The following CPS1 variants were observed in gnomAD, a reference collection of about 807,000 sequenced individuals.
CPS1 encodes carbamoyl-phosphate synthase 1, also known as carbamoyl-phosphate synthase [ammonia], mitochondrial.
In CPS1, 109 loss-of-function variants were observed where a neutral mutation model predicts 174.6. The observed-to-expected ratio is 0.62, with a 90% CI of 0.53 to 0.73. The LOEUF (loss-of-function observed/expected upper bound fraction) is 0.73. Among genes scored for constraint, CPS1 ranks in the 30% least tolerant of loss-of-function variants. The probability of loss-of-function intolerance (pLI) is 0.00; values close to 1 mark genes in which losing one functional copy is unlikely to be tolerated. For missense variants in CPS1, 1,689 were observed against 1,821.9 expected (o/e 0.93, Z 1.33); for synonymous variants, 637 against 632.0 (o/e 1.01, Z -0.12).
At chr2:210,649,941 G>A (rs1214171538) in intron 27 of CPS1, among the ~76,000 whole-genome samples, 1 of 152,196 alleles carries the variant, frequency 6.6e-6, no homozygotes, top group Non-Finnish European at 1.5e-5. Flanking sequence ...TGACAACAGA[G>A]CAGTAGGCTA....
At chr2:210,670,206 T>A (rs915498278) in intron 34 of CPS1, among the ~76,000 whole-genome samples, 1 of 152,040 alleles carries the variant, frequency 6.6e-6, no homozygotes, top group African/African-American at 2.4e-5. Context: ...GGACACAGAT[T>A]TAAAAATATA....
At chr2:210,667,267 C>T (rs1701133690) in intron 33 of CPS1, among the ~76,000 whole-genome samples, 1 of 152,158 alleles carries the variant, frequency 6.6e-6, no homozygotes, top group Non-Finnish European at 1.5e-5. Context: ...ATCATGTCGT[C>T]TGCAAACAGG....
chr2:210,553,378 C>T (rs1370141855), upstream of CPS1, among the ~76,000 whole-genome samples: 5 of 151,660 alleles, frequency 3.3e-5, no homozygotes, highest in Admixed American at 6.6e-5. Context: ...ATTTTCAATA[C>T]CAGATATGTC....
chr2:210,489,524 A>G (rs1469140053), intron 1 of CPS1, among the ~76,000 whole-genome samples: 5 of 152,174 alleles, frequency 3.3e-5, no homozygotes, highest in Non-Finnish European at 5.9e-5. Flanking sequence ...GTAAGTAGGA[A>G]GGAAAGTTTT....
At chr2:210,599,840 T>G (rs1041800473) in intron 14 of CPS1, among the ~76,000 whole-genome samples, 2 of 151,972 alleles carry the variant, frequency 1.3e-5, no homozygotes, top group South Asian at 2.1e-4. Context: ...AGGATATTGC[T>G]TTTCTCTGTT....
chr2:210,510,560 T>C (rs1165307191), intron 1 of CPS1, among the ~76,000 whole-genome samples: 1 of 152,198 alleles, frequency 6.6e-6, no homozygotes, highest in African/African-American at 2.4e-5. Flanking sequence ...AAAGAGCTTC[T>C]GCACAGCAAA....
In CPS1 at chr2:210,599,505, C is replaced by T; in HGVS notation, c.1493C>T (p.Ala498Val). The change falls in exon 14 of 38, where the codon GCA becomes GTA. Residue 498 changes from alanine (A) to valine (V), a missense_variant. Ala to Val is a moderately conservative substitution (Grantham distance 64). Coordinates refer to ENST00000233072, the MANE Select transcript of CPS1 (RefSeq NM_001875.5). ...TPQFVTEVIK[A>V]EQPDGLILGM... The stretch of plus-strand genomic sequence containing the variant: ...CAGTTTGTCACAGAGGTCATCAAGG[C>T]AGAACAGCCAGATGGGTTAATTCTG... The T allele has an allele frequency of 6.2e-7, 1 of 1,612,564 alleles. No individual in the cohort carries two copies. Among genetic ancestry groups the T allele is most frequent in the Non-Finnish European group, 8.5e-7 (1 of 1,179,064 alleles).
chr2:210,511,912 C>T (rs1695505470), intron 1 of CPS1, among the ~76,000 whole-genome samples: 1 of 152,076 alleles, frequency 6.6e-6, no homozygotes, highest in Non-Finnish European at 1.5e-5. Flanking sequence ...ACATCATTCT[C>T]TAGTTAAAGA....
intron 30 of CPS1, among the ~76,000 whole-genome samples, chr2:210,658,039 A>G (rs1700776830): frequency 6.6e-6 from 1 of 152,248 alleles, no homozygotes; most frequent in African/African-American, 2.4e-5. Context: ...GTATAGGGAC[A>G]TTCTGGCTCT....
At chr2:210,513,164 G>A (rs1483797473) in intron 1 of CPS1, among the ~76,000 whole-genome samples, 1 of 145,608 alleles carries the variant, frequency 6.9e-6, no homozygotes, top group Admixed American at 7.0e-5. Context: ...ATATATATAT[G>A]TATGGATATA....
Position 210,592,893 on chromosome 2 carries a change from G to A in CPS1, c.1101G>A (p.Glu367=), listed in dbSNP as rs975444103. 4 of 1,612,190 alleles carry A rather than the reference G, an allele frequency of 2.5e-6. No homozygotes were observed. The highest frequency in any genetic ancestry group is 1.1e-5 in the South Asian group (1 of 91,022). Reference sequence around the variant, plus strand: ...TATTCCTTTAGGGGATTATGCATGAGAGCAAACCCTTCTTCGCTGTGCAGT... The same window carrying A: ...TATTCCTTTAGGGGATTATGCATGAAAGCAAACCCTTCTTCGCTGTGCAGT... ...NDQTNEGIMH[E]SKPFFAVQFH... is the part of the protein sequence containing the mutation. Residue 367 remains glutamate, a synonymous_variant, in exon 11 of 38, where the codon GAG becomes GAA. Coordinates refer to ENST00000233072, the MANE Select transcript of CPS1 (RefSeq NM_001875.5).
intron 27 of CPS1, among the ~76,000 whole-genome samples, chr2:210,649,689 G>A (rs980353040): frequency 1.3e-5 from 2 of 152,116 alleles, no homozygotes; most frequent in African/African-American, 2.4e-5. Flanking sequence ...TAAAAGCAAA[G>A]TAATATTTTT....
intron 12 of CPS1, 42 bp downstream of exon 12, chr2:210,594,648 G>A: frequency 7.1e-7 from 1 of 1,401,704 alleles, no homozygotes; most frequent in Non-Finnish European, 1.0e-6. Context: ...ATTTTGGATT[G>A]TCCCTATCAC....
At chr2:210,604,627 C>T (rs1400792964) in intron 16 of CPS1, among the ~76,000 whole-genome samples, 4 of 151,900 alleles carry the variant, frequency 2.6e-5, no homozygotes, top group African/African-American at 9.7e-5. Flanking sequence ...CAACCATCAT[C>T]ATCTCCTTTC....
At chr2:210,573,833 A>G (rs184221459) in intron 2 of CPS1, among the ~76,000 whole-genome samples, 1 of 152,226 alleles carries the variant, frequency 6.6e-6, no homozygotes, top group East Asian at 1.9e-4. Context: ...ATGAAATACT[A>G]TAAGAAGATT....
chr2:210,537,182 G>A (rs1194582221), intron 1 of CPS1, among the ~76,000 whole-genome samples: 1 of 152,142 alleles, frequency 6.6e-6, no homozygotes, highest in Non-Finnish European at 1.5e-5. Flanking sequence ...TAAATCAACA[G>A]CATGTTCAGT....
Position 210,600,665 on chromosome 2 carries a change from C to T in CPS1, c.1660C>T (p.Leu554=), listed in dbSNP as rs1698689698. The change falls in exon 15 of 38, where the codon CTA becomes TTA. Residue 554 remains leucine (L), a synonymous_variant. Transcript: ENST00000233072. ...AGACAGGCAGCTGTTTTCAGATAAA[C>T]TAAATGAGATCAATGAAAAGATTGC... The part of the protein sequence containing the change: ...TEDRQLFSDK[L]NEINEKIAPS... 1.2e-6 allele frequency: 2 copies of T among 1,612,036 alleles called. No individual in the cohort carries two copies. Among genetic ancestry groups the T allele is most frequent in the African/African-American group, 1.3e-5 (1 of 74,740 alleles).
intron 31 of CPS1, among the ~76,000 whole-genome samples, chr2:210,660,069 AC>A (rs1700867568): frequency 6.6e-6 from 1 of 152,144 alleles, no homozygotes; most frequent in Admixed American, 6.6e-5. Context: ...AAATGGGTGA[AC>A]TGGGAAAGTA....
rs906187229 is a variant in CPS1 at position 210,488,734 on chromosome 2, T to A, written c.3+10968T>A. Among the ~76,000 whole-genome samples, 20 of 152,210 alleles carry A rather than the reference T, an allele frequency of 1.3e-4. 1 individual carries two copies. The highest frequency in any genetic ancestry group is 4.3e-4 in the African/African-American group (18 of 41,462). ...CTCTTGGGAAAGTAATGTTTTTCTT[T>A]GGGAATTGTGGGTTAAAAAACTATG... On this transcript the variant is annotated intron_variant, in intron 1 of 38. Coordinates refer to the CPS1 transcript ENST00000430249.
Sources: gnomAD v4.1 joint callset for allele counts (sites outside exome capture counted in the v4.1 genomes callset) on GRCh38, gnomAD v4.1.1 for gene constraint, MANE v1.5 for transcripts, NCBI Gene and HGNC (gene_info 2026-07-23, HGNC 2026-07-21) for gene names.